TMEM132B: variants seen among roughly 807,000 people sequenced by gnomAD.
TMEM132B encodes transmembrane protein 132B.
TMEM132B carries 18 observed loss-of-function variants against 90.8 expected under a neutral mutation model. The ratio of observed to expected loss-of-function variants is 0.20; its 90% CI spans 0.14 to 0.29. TMEM132B has a LOEUF of 0.29. Ranked by LOEUF, TMEM132B falls within the 10% of genes least tolerant of loss-of-function variation. TMEM132B has a pLI of 1.00. For missense variants in TMEM132B, 1,096 were observed against 1,326.8 expected (o/e 0.83, Z 2.70); for synonymous variants, 504 against 523.3 (o/e 0.96, Z 0.50).
intron 3 of TMEM132B, among the ~76,000 whole-genome samples, chr12:125,428,074 T>C (rs1412668772): frequency 6.6e-6 from 1 of 152,106 alleles, no homozygotes; most frequent in East Asian, 1.9e-4. Flanking sequence ...CATGGCTCAC[T>C]GAGTTTCTAT....
intron 1 of TMEM132B, among the ~76,000 whole-genome samples, chr12:125,326,910 A>G (rs1346794089): frequency 6.6e-6 from 1 of 152,086 alleles, no homozygotes; most frequent in East Asian, 1.9e-4. Context: ...TGCAGGGGCC[A>G]CTTCTCCAGG....
At chr12:125,352,973 A>G (rs1212601706) in intron 2 of TMEM132B, among the ~76,000 whole-genome samples, 1 of 152,226 alleles carries the variant, frequency 6.6e-6, no homozygotes, top group Non-Finnish European at 1.5e-5. Flanking sequence ...ACTCCACTGG[A>G]AGGGGTGGGG....
chr12:125,498,131 A>G lies in TMEM132B; in HGVS notation c.1107-21308A>G, dbSNP rs1442839342. ...ACCACTCACTGGCCAAAATTGATCC[A>G]CATGACCCTACAAGCCAGTGTGTTT... On this transcript the variant is annotated intron_variant, in intron 3 of 8. Coordinates refer to ENST00000682704, the MANE Select transcript of TMEM132B (RefSeq NM_001366854.1). The surrounding 1 kb of genome is among the most constrained non-coding windows in gnomAD (Gnocchi z 4.5). Among the ~76,000 whole-genome samples the G allele has an allele frequency of 3.3e-5, 5 of 152,204 alleles. No individual in the cohort carries two copies. The highest frequency in any genetic ancestry group is 7.3e-5 in the Non-Finnish European group (5 of 68,040).
intron 3 of TMEM132B, among the ~76,000 whole-genome samples, chr12:125,510,593 A>G (rs371397195): frequency 3.9e-5 from 6 of 152,364 alleles, no homozygotes; most frequent in African/African-American, 1.4e-4. Context: ...AGAGAAATGT[A>G]TAGAAAATAA....
At chr12:125,548,161 C>T (rs967869826) in intron 4 of TMEM132B, among the ~76,000 whole-genome samples, 2 of 152,096 alleles carry the variant, frequency 1.3e-5, no homozygotes, top group African/African-American at 4.8e-5. Context: ...TGGGTCACAC[C>T]TGGAAAAAGA....
Position 125,227,973 on chromosome 12 carries a change from C to T in TMEM132B, c.67+41107C>T, listed in dbSNP as rs115080978. On this transcript the variant is annotated intron_variant, in intron 1 of 8. Coordinates refer to ENST00000682704, the MANE Select transcript of TMEM132B (RefSeq NM_001366854.1). ...CCACAGCACTGTCCTGGCTTGATAACGTACCCTTTGTTGACTTCTTTTTTC... is the reference window on the plus strand; with the variant it reads ...CCACAGCACTGTCCTGGCTTGATAATGTACCCTTTGTTGACTTCTTTTTTC... Among the ~76,000 whole-genome samples the T allele has an allele frequency of 7.4e-3, 1,123 of 152,338 alleles. 13 individuals are homozygous for T. The highest frequency in any genetic ancestry group is 0.026 in the African/African-American group (1,063 of 41,576).
chr12:125,253,393 A>G (rs1874358285), intron 1 of TMEM132B, among the ~76,000 whole-genome samples: 1 of 150,460 alleles, frequency 6.6e-6, no homozygotes, highest in African/African-American at 2.5e-5. Context: ...TGCTGAGAAC[A>G]TTTCATACAT....
At chr12:125,374,651 G>A (rs1363339843) in intron 2 of TMEM132B, among the ~76,000 whole-genome samples, 13 of 140,384 alleles carry the variant, frequency 9.3e-5, no homozygotes, top group Admixed American at 8.4e-4. Flanking sequence ...ACCCCGCCCC[G>A]CCCCGGCTTC....
At chr12:125,542,418 C>G (rs57026658) in intron 4 of TMEM132B, among the ~76,000 whole-genome samples, 4,597 of 152,234 alleles carry the variant, frequency 0.03, 212 homozygotes, top group African/African-American at 0.092. Flanking sequence ...TACTGTTATG[C>G]AGCCATCACT....
chr12:125,423,041 C>T (rs1880213454), intron 3 of TMEM132B, among the ~76,000 whole-genome samples: 1 of 152,142 alleles, frequency 6.6e-6, no homozygotes, highest in South Asian at 2.1e-4. Flanking sequence ...TTACAAAGTG[C>T]AGACAGTCCT....
At chr12:125,398,406 A>G (rs1243089166) in intron 2 of TMEM132B, among the ~76,000 whole-genome samples, 2 of 152,270 alleles carry the variant, frequency 1.3e-5, no homozygotes, top group South Asian at 2.1e-4. Context: ...GTTGACATAG[A>G]TACAGACACA....
intron 3 of TMEM132B, among the ~76,000 whole-genome samples, chr12:125,430,581 G>A (rs980208072): frequency 3.9e-5 from 6 of 152,126 alleles, no homozygotes; most frequent in Admixed American, 1.3e-4. Context: ...TGATGGCCTG[G>A]GCAGCACAGA....
intron 4 of TMEM132B, among the ~76,000 whole-genome samples, chr12:125,563,601 A>AC (rs1555258802): frequency 0.51 from 75,565 of 147,610 alleles, 20,986 homozygotes; most frequent in Middle Eastern, 0.71. Context: ...AAACAAACAA[A>AC]AAAAAACCCC....
chr12:125,363,243 G>T (rs2136254731), intron 2 of TMEM132B, among the ~76,000 whole-genome samples: 1 of 152,254 alleles, frequency 6.6e-6, no homozygotes, highest in Non-Finnish European at 1.5e-5. Flanking sequence ...CCCCAGAGTT[G>T]CCAGCCCCAG....
chr12:125,205,828 A>C (rs1362025913), intron 1 of TMEM132B, among the ~76,000 whole-genome samples: 1 of 152,182 alleles, frequency 6.6e-6, no homozygotes, highest in Admixed American at 6.5e-5. Flanking sequence ...AATCCAGGGG[A>C]GGGGAATTTG....
Position 125,225,905 on chromosome 12 carries a change from A to G in TMEM132B, c.67+39039A>G, listed in dbSNP as rs538263824. On this transcript the variant is annotated intron_variant, in intron 1 of 8. Transcript: ENST00000682704. ...TAGTCCACCTGTGGGCCCAGGACAAACAGTATGGTCAAATCACCATCCTAG... is the reference window on the plus strand; with the variant it reads ...TAGTCCACCTGTGGGCCCAGGACAAGCAGTATGGTCAAATCACCATCCTAG... 2.6e-5 allele frequency among the ~76,000 whole-genome samples: 4 copies of G among 152,290 alleles called. No individual in the cohort carries two copies. In the East Asian group the frequency reaches 7.7e-4, roughly 29 times the overall value.
chr12:125,511,869 G>GAAAA (rs1256515603), intron 3 of TMEM132B, among the ~76,000 whole-genome samples: 1,560 of 127,306 alleles, frequency 0.012, 10 homozygotes, highest in Middle Eastern at 0.031. Context: ...AAAAAAAAAA[G>GAAAA]AAAAGAAAAA....
chr12:125,310,717 A>G (rs929138689), intron 1 of TMEM132B, among the ~76,000 whole-genome samples: 1 of 152,066 alleles, frequency 6.6e-6, no homozygotes, highest in Non-Finnish European at 1.5e-5. Flanking sequence ...GCAGAGAAAC[A>G]CTTTGACCTC....
intron 2 of TMEM132B, among the ~76,000 whole-genome samples, chr12:125,373,395 G>A (rs1878362117): frequency 6.6e-6 from 1 of 152,146 alleles, no homozygotes; most frequent in African/African-American, 2.4e-5. Flanking sequence ...AGGTCATTAG[G>A]GTGGGCTTTA....
Sources: gnomAD v4.1 joint callset for allele counts (sites outside exome capture counted in the v4.1 genomes callset) on GRCh38, gnomAD v4.1.1 for gene constraint, Gnocchi (gnomAD v3.1) non-coding constraint, MANE v1.5 for transcripts, NCBI Gene and HGNC (gene_info 2026-07-23, HGNC 2026-07-21) for gene names.